The following CACNB2 variants were observed in gnomAD, a reference collection of about 807,000 sequenced individuals.
CACNB2 encodes the protein calcium voltage-gated channel auxiliary subunit beta 2.
A neutral mutation model predicts 73.3 loss-of-function variants in CACNB2; 42 were observed. The ratio of observed to expected loss-of-function variants is 0.57; its 90% CI spans 0.45 to 0.74. CACNB2 has a LOEUF of 0.74. CACNB2 is among the 30% of genes least tolerant of loss of function. The pLI is 0.00. For missense variants in CACNB2, 940 were observed against 853.0 expected, an observed-to-expected ratio of 1.10 and a Z score of -1.27; for synonymous variants, 348 against 310.3, an observed-to-expected ratio of 1.12 and a Z score of -1.28.
intron 2 of CACNB2, among the ~76,000 whole-genome samples, chr10:18,264,074 G>A (rs985506606): frequency 6.6e-6 from 1 of 152,148 alleles, no homozygotes; most frequent in Non-Finnish European, 1.5e-5. Flanking sequence ...ATATAAACAT[G>A]GTAAGCTCTG....
At chr10:18,316,685 C>G (rs187060109) in intron 2 of CACNB2, among the ~76,000 whole-genome samples, 2 of 152,246 alleles carry the variant, frequency 1.3e-5, no homozygotes, top group Admixed American at 1.3e-4. Context: ...TGGTCTTGGA[C>G]CCCTGGGCTA....
At chr10:18,236,505 C>T (rs962677998) in intron 2 of CACNB2, among the ~76,000 whole-genome samples, 3 of 152,130 alleles carry the variant, frequency 2.0e-5, no homozygotes, top group African/African-American at 7.2e-5. Flanking sequence ...TTTCCAGAGC[C>T]CCTCAGTAGG....
At chr10:18,362,330 G>T (rs1007381513) in intron 2 of CACNB2, among the ~76,000 whole-genome samples, 2 of 152,140 alleles carry the variant, frequency 1.3e-5, no homozygotes, top group Non-Finnish European at 2.9e-5. Flanking sequence ...GCTATTAAGG[G>T]TTTTCTAAAG....
At position 18,451,497 on chromosome 10, in the gene CACNB2, C is replaced by T. The variant is rs79658539; in HGVS notation, c.334-46858C>T. 9.1e-3 allele frequency among the ~76,000 whole-genome samples: 1,381 copies of T among 152,212 alleles called. 10 individuals carry two copies. The highest frequency in any genetic ancestry group is 0.013 in the Non-Finnish European group (899 of 68,022). ...TTTAGCACTGTTCTAAACTAGGTTG[C>T]GACAGAATTTGTTCAATGTGAAGTT... On this transcript the variant is annotated intron_variant, in intron 3 of 13. Transcript: ENST00000324631.
intron 2 of CACNB2, among the ~76,000 whole-genome samples, chr10:18,382,151 A>G (rs915053622): frequency 6.6e-6 from 1 of 152,092 alleles, no homozygotes; most frequent in African/African-American, 2.4e-5. Flanking sequence ...AATCTTAAAT[A>G]TAGCAAAATT....
At chr10:18,276,901 C>A (rs1047073078) in intron 2 of CACNB2, among the ~76,000 whole-genome samples, 1 of 152,072 alleles carries the variant, frequency 6.6e-6, no homozygotes, top group Non-Finnish European at 1.5e-5. Flanking sequence ...CTTTTGAGGC[C>A]ATGAGTTCAA....
intron 2 of CACNB2, among the ~76,000 whole-genome samples, chr10:18,274,392 T>C (rs2038187735): frequency 6.6e-6 from 1 of 152,178 alleles, no homozygotes; most frequent in Non-Finnish European, 1.5e-5. Flanking sequence ...GCAAGAAGCT[T>C]CCTCAACTTA....
At chr10:18,465,461 A>C (rs2047826622) in intron 3 of CACNB2, among the ~76,000 whole-genome samples, 1 of 152,192 alleles carries the variant, frequency 6.6e-6, no homozygotes, top group South Asian at 2.1e-4. Flanking sequence ...AGATGAGAAG[A>C]TGAGAGTGTA....
intron 6 of CACNB2, among the ~76,000 whole-genome samples, chr10:18,509,215 G>T (rs563242181): frequency 6.6e-6 from 1 of 152,316 alleles, no homozygotes; most frequent in African/African-American, 2.4e-5. Flanking sequence ...AGGCACAACT[G>T]CTCCAACTAT....
intron 3 of CACNB2, among the ~76,000 whole-genome samples, chr10:18,484,073 C>T (rs10828765): frequency 0.51 from 77,143 of 151,922 alleles, 19,791 homozygotes; most frequent in South Asian, 0.67. Flanking sequence ...GGCTGCTTTT[C>T]ATTTTGTTTT....
intron 2 of CACNB2, among the ~76,000 whole-genome samples, chr10:18,378,385 A>C (rs2042886356): frequency 6.6e-6 from 1 of 152,184 alleles, no homozygotes. Flanking sequence ...GCACCTATAA[A>C]ATTTCTTTCT....
At chr10:18,499,812 A>C (rs1171534909) in intron 4 of CACNB2, among the ~76,000 whole-genome samples, 78 of 150,894 alleles carry the variant, frequency 5.2e-4, no homozygotes, top group African/African-American at 1.8e-3. Context: ...CTCTAAAAAA[A>C]AAAAAAAAAA....
At chr10:18,489,694 C>T (rs535045180) in intron 3 of CACNB2, among the ~76,000 whole-genome samples, 29 of 152,254 alleles carry the variant, frequency 1.9e-4, no homozygotes, top group African/African-American at 6.7e-4. Context: ...CCTTGGCCGA[C>T]ATTCCGAAAG....
intron 2 of CACNB2, among the ~76,000 whole-genome samples, chr10:18,155,765 G>T (rs1478099385): frequency 5.3e-5 from 8 of 151,930 alleles, no homozygotes; most frequent in Non-Finnish European, 1.2e-4. Context: ...CAGTGCAGTG[G>T]TAGCTCAATG....
intron 3 of CACNB2, among the ~76,000 whole-genome samples, chr10:18,407,076 A>G (rs75346736): frequency 0.014 from 1,850 of 128,818 alleles, 17 homozygotes; most frequent in Middle Eastern, 0.026. Context: ...GGTTTACTTC[A>G]TGGTCTTCTA....
chr10:18,452,835 G>A (rs933067393), intron 3 of CACNB2, among the ~76,000 whole-genome samples: 1 of 152,198 alleles, frequency 6.6e-6, no homozygotes, highest in Non-Finnish European at 1.5e-5. Flanking sequence ...ATTCCTTAAT[G>A]AGTATACCTG....
At chr10:18,484,007 G>T (rs2048928036) in intron 3 of CACNB2, among the ~76,000 whole-genome samples, 1 of 152,184 alleles carries the variant, frequency 6.6e-6, no homozygotes, top group African/African-American at 2.4e-5. Flanking sequence ...CATTTCGTGG[G>T]CTGAGACTCT....
intron 2 of CACNB2, among the ~76,000 whole-genome samples, chr10:18,233,843 T>C (rs961187637): frequency 1.3e-5 from 2 of 152,160 alleles, no homozygotes; most frequent in African/African-American, 2.4e-5. Flanking sequence ...ACGAATAGCC[T>C]CTTTTAGGAG....
chr10:18,149,329 T>A (rs769232152), intron 1 of CACNB2, among the ~76,000 whole-genome samples: 2 of 152,330 alleles, frequency 1.3e-5, no homozygotes, highest in East Asian at 1.9e-4. Context: ...TACTGAATAA[T>A]GTTTACACAA....
Sources: gnomAD v4.1 joint callset for allele counts (sites outside exome capture counted in the v4.1 genomes callset) on GRCh38, gnomAD v4.1.1 for gene constraint, MANE v1.5 for transcripts, NCBI Gene and HGNC (gene_info 2026-07-23, HGNC 2026-07-21) for gene names.